LHFPL3: variants seen among roughly 807,000 people sequenced by gnomAD.
LHFPL3 encodes LHFPL tetraspan subfamily member 3.
LHFPL3 carries 5 observed loss-of-function variants against 19.3 expected under a neutral mutation model. The ratio of observed to expected loss-of-function variants is 0.26; its 90% confidence interval spans 0.14 to 0.54. LHFPL3 has a LOEUF of 0.54. Among genes scored for constraint, LHFPL3 ranks in the 20% least tolerant of loss-of-function variants. LHFPL3 has a pLI of 0.94. For synonymous variants in LHFPL3, 133 were observed against 126.2 expected, an observed-to-expected ratio of 1.05 and a Z score of -0.36; for missense variants, 249 against 307.4, an observed-to-expected ratio of 0.81 and a Z score of 1.42.
chr7:104,635,865 T>A (rs1003525325), intron 1 of LHFPL3, among the ~76,000 whole-genome samples: 32 of 152,166 alleles, frequency 2.1e-4, no homozygotes, highest in Admixed American at 8.5e-4. Flanking sequence ...CTAAGAGGAA[T>A]GTATCCAGGA....
intron 1 of LHFPL3, among the ~76,000 whole-genome samples, chr7:104,502,057 A>C (rs1317063217): frequency 6.6e-6 from 1 of 152,240 alleles, no homozygotes; most frequent in African/African-American, 2.4e-5. Context: ...AGATACCTAC[A>C]AGAAAAAAAT....
chr7:104,407,238 G>A (rs539129784), intron 1 of LHFPL3, among the ~76,000 whole-genome samples: 4 of 152,232 alleles, frequency 2.6e-5, no homozygotes, highest in South Asian at 4.2e-4. Context: ...ACATAACCCC[G>A]TCTTTAACTA....
chr7:104,635,035 AATGTT>A (rs1791706288), intron 1 of LHFPL3, among the ~76,000 whole-genome samples: 1 of 152,194 alleles, frequency 6.6e-6, no homozygotes, highest in African/African-American at 2.4e-5. Flanking sequence ...ACAAGAATAA[AATGTT>A]ATGTATATTT....
chr7:104,392,444 CAT>C (rs1791093498), intron 1 of LHFPL3, among the ~76,000 whole-genome samples: 1 of 151,646 alleles, frequency 6.6e-6, no homozygotes. Flanking sequence ...TTGAGATAAT[CAT>C]GTGGTTTTTG....
chr7:104,527,565 A>G (rs896990794), intron 1 of LHFPL3, among the ~76,000 whole-genome samples: 1 of 152,214 alleles, frequency 6.6e-6, no homozygotes, highest in Non-Finnish European at 1.5e-5. Flanking sequence ...ATGACTGAGA[A>G]AAAGCCTTCA....
intron 1 of LHFPL3, among the ~76,000 whole-genome samples, chr7:104,710,116 C>G (rs1793273279): frequency 6.6e-6 from 1 of 152,226 alleles, no homozygotes; most frequent in African/African-American, 2.4e-5. Flanking sequence ...AGGTCAGGAG[C>G]TGGAGACCAG....
intron 1 of LHFPL3, among the ~76,000 whole-genome samples, chr7:104,450,997 C>A (rs901737784): frequency 6.6e-6 from 1 of 152,124 alleles, no homozygotes; most frequent in Non-Finnish European, 1.5e-5. Flanking sequence ...TCAACTTCTT[C>A]CCTTCACCCT....
chr7:104,373,397 A>G (rs1241321679), intron 1 of LHFPL3, among the ~76,000 whole-genome samples: 1 of 152,188 alleles, frequency 6.6e-6, no homozygotes, highest in African/African-American at 2.4e-5. Context: ...AGTATTACGT[A>G]TGTTTTAAAT....
chr7:104,614,653 C>CCTTCCTTCCTTCCTTCCT (rs1791284308), intron 1 of LHFPL3, among the ~76,000 whole-genome samples: 2 of 51,530 alleles, frequency 3.9e-5, no homozygotes, highest in African/African-American at 1.2e-4. Context: ...CTTCTCTTCT[C>CCTTCCTTCCTTCCTTCCT]TCCTTCCTTC....
chr7:104,878,444 C>A (rs1791989117), intron 2 of LHFPL3, among the ~76,000 whole-genome samples: 1 of 152,030 alleles, frequency 6.6e-6, no homozygotes, highest in Non-Finnish European at 1.5e-5. Context: ...GATCAGTGAT[C>A]TTTGATGTTA....
At chr7:104,639,506 C>G (rs1254424831) in intron 1 of LHFPL3, among the ~76,000 whole-genome samples, 1 of 152,060 alleles carries the variant, frequency 6.6e-6, no homozygotes, top group East Asian at 1.9e-4. Flanking sequence ...GTGTATACAT[C>G]TTTAAAAAAT....
intron 1 of LHFPL3, among the ~76,000 whole-genome samples, chr7:104,337,192 C>A (rs1789828168): frequency 6.6e-6 from 1 of 151,856 alleles, no homozygotes; most frequent in Non-Finnish European, 1.5e-5. Context: ...CAAACAACAA[C>A]AACAACAACA....
At chr7:104,804,361 A>T (rs1280424459) in intron 2 of LHFPL3, among the ~76,000 whole-genome samples, 1 of 152,222 alleles carries the variant, frequency 6.6e-6, no homozygotes, top group East Asian at 1.9e-4. Context: ...AGGAATGGAT[A>T]GCAACCAGAA....
intron 1 of LHFPL3, among the ~76,000 whole-genome samples, chr7:104,498,394 G>A (rs1793530105): frequency 6.6e-6 from 1 of 151,958 alleles, no homozygotes; most frequent in African/African-American, 2.4e-5. Flanking sequence ...TTGTCTTCGT[G>A]CTCAAAGAAG....
intron 1 of LHFPL3, among the ~76,000 whole-genome samples, chr7:104,361,227 G>T (rs1790385713): frequency 6.6e-6 from 1 of 152,106 alleles, no homozygotes; most frequent in Admixed American, 6.5e-5. Flanking sequence ...TCTGAGCCTT[G>T]GTAGCATCAT....
chr7:104,624,742 CAAAA>C (rs918784213), intron 1 of LHFPL3, among the ~76,000 whole-genome samples: 4 of 151,344 alleles, frequency 2.6e-5, no homozygotes, highest in African/African-American at 9.7e-5. Context: ...CCTTTCAATG[CAAAA>C]AAAATAAAAT....
intron 1 of LHFPL3, among the ~76,000 whole-genome samples, chr7:104,731,642 C>A (rs1403018174): frequency 6.6e-6 from 1 of 151,682 alleles, no homozygotes; most frequent in Non-Finnish European, 1.5e-5. Flanking sequence ...ATGGGGTTTT[C>A]TAGATATACA....
At chr7:104,710,948 T>C (rs1012900756) in intron 1 of LHFPL3, among the ~76,000 whole-genome samples, 5 of 152,156 alleles carry the variant, frequency 3.3e-5, no homozygotes, top group Admixed American at 3.3e-4. Context: ...TATATAAAAA[T>C]GATAATACCA....
At chr7:104,387,386 G>GT (rs1790968663) in intron 1 of LHFPL3, among the ~76,000 whole-genome samples, 1 of 151,516 alleles carries the variant, frequency 6.6e-6, no homozygotes, top group African/African-American at 2.4e-5. Flanking sequence ...AAAAATGAAA[G>GT]TAAAAAAAAG....
Sources: allele counts gnomAD v4.1 joint callset (sites outside exome capture counted in the v4.1 genomes callset), GRCh38; gene constraint gnomAD v4.1.1; transcripts MANE v1.5; gene names NCBI Gene and HGNC (gene_info 2026-07-23, HGNC 2026-07-21).